The following HEATR5A variants were observed in gnomAD, a reference collection of about 807,000 sequenced individuals.
The protein encoded by HEATR5A is HEAT repeat containing 5A, also known as HEAT repeat-containing protein 5A.
In HEATR5A, 178 loss-of-function variants were observed where a neutral mutation model predicts 218.8. That is an observed-to-expected ratio of 0.81 (90% CI 0.72 to 0.92). HEATR5A has a LOEUF of 0.92. HEATR5A is among the 40% of genes least tolerant of loss of function. The pLI, the probability that HEATR5A is intolerant of heterozygous loss-of-function variation, is 0.00. For missense variants in HEATR5A, 2,420 were observed against 2,418.9 expected (o/e 1.00, Z -0.01); for synonymous variants, 864 against 871.6 (o/e 0.99, Z 0.15).
chr14:31,377,125 TA>T (rs35859115), intron 11 of HEATR5A, among the ~76,000 whole-genome samples: 21,382 of 125,470 alleles, frequency 0.17, 1,918 homozygotes, highest in East Asian at 0.36. Context: ...CCCTGTCTCT[TA>T]AAAAAAAAAA....
intron 13 of HEATR5A, among the ~76,000 whole-genome samples, chr14:31,370,387 G>T (rs1472226996): frequency 6.6e-6 from 1 of 152,110 alleles, no homozygotes; most frequent in East Asian, 1.9e-4. Context: ...TCAGGAAACC[G>T]ATATACAATT....
chr14:31,410,950 TA>T (rs2031250478), intron 1 of HEATR5A, among the ~76,000 whole-genome samples: 1 of 152,196 alleles, frequency 6.6e-6, no homozygotes, highest in Non-Finnish European at 1.5e-5. Context: ...TATCATTAGT[TA>T]AAAATTTGAA....
At chr14:31,318,127 G>C in intron 26 of HEATR5A, 97 bp downstream of exon 26, 5 of 997,298 alleles carry the variant, frequency 5.0e-6, no homozygotes, top group Non-Finnish European at 6.4e-6. Flanking sequence ...ATGATTGACG[G>C]TAAGACAACC....
At chr14:31,419,912 A>ACTCT (rs886857484) in intron 1 of HEATR5A, among the ~76,000 whole-genome samples, 13 of 151,850 alleles carry the variant, frequency 8.6e-5, no homozygotes, top group African/African-American at 3.1e-4. Context: ...AAATATCCAC[A>ACTCT]CTCTCCACTG....
chr14:31,304,179 G>A (rs1411478106), intron 32 of HEATR5A, among the ~76,000 whole-genome samples: 4 of 152,084 alleles, frequency 2.6e-5, no homozygotes, highest in African/African-American at 2.4e-5. Context: ...ACTGCACTCC[G>A]GCCTAGGTGA....
At chr14:31,360,567 TAG>T (rs1901584165) in intron 14 of HEATR5A, among the ~76,000 whole-genome samples, 1 of 152,220 alleles carries the variant, frequency 6.6e-6, no homozygotes, top group African/African-American at 2.4e-5. Flanking sequence ...TAATTTCTGT[TAG>T]GTTATCAAAA....
intron 13 of HEATR5A, among the ~76,000 whole-genome samples, chr14:31,368,187 T>C (rs569993731): frequency 5.3e-5 from 8 of 152,044 alleles, no homozygotes; most frequent in Non-Finnish European, 1.2e-4. Flanking sequence ...TTTTTGCCCT[T>C]CTATCCCTTT....
At chr14:31,347,220 T>C (rs185841638) in intron 19 of HEATR5A, among the ~76,000 whole-genome samples, 235 of 152,304 alleles carry the variant, frequency 1.5e-3, no homozygotes, top group Non-Finnish European at 2.8e-3. Flanking sequence ...TTACTATTAT[T>C]ATTATTTTTG....
At chr14:31,316,940 C>T (rs750034221) in intron 26 of HEATR5A, among the ~76,000 whole-genome samples, 17 of 151,990 alleles carry the variant, frequency 1.1e-4, no homozygotes, top group African/African-American at 3.6e-4. Context: ...CACTTGCCTG[C>T]GCCTCCCAAA....
intron 23 of HEATR5A, among the ~76,000 whole-genome samples, chr14:31,324,378 C>G (rs929867989): frequency 1.3e-5 from 2 of 152,208 alleles, no homozygotes; most frequent in African/African-American, 4.8e-5. Flanking sequence ...GTTACACTTA[C>G]AAACTGTTTA....
intron 1 of HEATR5A, among the ~76,000 whole-genome samples, chr14:31,409,910 T>C (rs1335820143): frequency 1.3e-5 from 2 of 152,188 alleles, no homozygotes; most frequent in African/African-American, 4.8e-5. Context: ...GAAACATATG[T>C]TGAAATTTAT....
Position 31,400,377 on chromosome 14 carries a change from C to T in HEATR5A, c.262G>A (p.Val88Ile), listed in dbSNP as rs559029328. The T allele has an allele frequency of 2.1e-5, 33 of 1,535,662 alleles. No individual in the cohort carries two copies. The highest frequency in any genetic ancestry group is 1.7e-4 in the Middle Eastern group (1 of 5,990). Residue 88 changes from valine (V) to isoleucine (I), a missense_variant, in exon 3 of 36, where the codon GTT becomes ATT. Transcript: ENST00000543095. ...ILYSIGDTFS[V>I]HEAIDKCNDL... ...TTACATTTATCGATTGCTTCATGAA[C>T]GGAGAATGTGTCTCCAATACTATAA...
At chr14:31,346,101 T>A (rs1462685393) in intron 19 of HEATR5A, among the ~76,000 whole-genome samples, 1 of 152,214 alleles carries the variant, frequency 6.6e-6, no homozygotes, top group African/African-American at 2.4e-5. Flanking sequence ...AAAGTTTTAT[T>A]CCTCTTATCA....
At position 31,345,286 on chromosome 14, in the gene HEATR5A, C is replaced by A; in HGVS notation, c.2869-10G>T. ...AATGTAATGCCCAGGTCTGTAATGA[C>A]AAAGAAAAACAATTAAAAACATTAC... On this transcript the variant is annotated splice_polypyrimidine_tract_variant and intron_variant, in intron 19 of 35. Transcript: ENST00000543095. 2 of 1,564,210 alleles carry A rather than the reference C, an allele frequency of 1.3e-6. No individual in the cohort carries two copies. The highest frequency in any genetic ancestry group is 1.2e-5 in the South Asian group (1 of 84,792).
intron 22 of HEATR5A, among the ~76,000 whole-genome samples, chr14:31,328,751 G>A (rs1252449369): frequency 6.6e-6 from 1 of 152,014 alleles, no homozygotes; most frequent in Non-Finnish European, 1.5e-5. Context: ...ATGGTGGCAG[G>A]TGCCTGTAAT....
chr14:31,402,851 C>T lies in HEATR5A; in HGVS notation c.125G>A (p.Arg42Lys), dbSNP rs1457005713. The T allele has an allele frequency of 4.6e-6, 7 of 1,536,558 alleles. No homozygotes were observed. The South Asian group carries it at 4.8e-5, about 10-fold the overall frequency. The change falls in exon 2 of 36, where the codon AGG becomes AAG. Residue 42 changes from arginine (R) to lysine (K), a missense_variant and splice_region_variant. Physicochemically the swap from Arg to Lys is conservative, Grantham distance 26 (BLOSUM62 2). Coordinates refer to ENST00000543095, the MANE Select transcript of HEATR5A (RefSeq NM_015473.4). Reference sequence around the variant, plus strand: ...AACAGATGTTGTCATTTTACCCACCCTGCTGGTTGCCAACAAGAGCTTCTC... The same window carrying T: ...AACAGATGTTGTCATTTTACCCACCTTGCTGGTTGCCAACAAGAGCTTCTC... ...YLEKLLLATS[R>K]NDVREKQKTL...
rs909850802 is a variant in HEATR5A, at chr14:31,341,728, G to C, written c.3228+2168C>G. Among the ~76,000 whole-genome samples the C allele has an allele frequency of 5.9e-5, 9 of 151,842 alleles. No individual in the cohort carries two copies. The South Asian group carries it at 8.3e-4, about 14-fold the overall frequency. On this transcript the variant is annotated intron_variant, in intron 21 of 35. Coordinates refer to ENST00000543095, the MANE Select transcript of HEATR5A (RefSeq NM_015473.4). Reference sequence around the variant, plus strand: ...AGATTTTATTCATCATGAATTAATGGGTTATTCTTGTTCTTCATTTCTCAA... The same window carrying C: ...AGATTTTATTCATCATGAATTAATGCGTTATTCTTGTTCTTCATTTCTCAA...
intron 21 of HEATR5A, among the ~76,000 whole-genome samples, chr14:31,340,280 C>T (rs8012940): frequency 0.85 from 128,680 of 152,104 alleles, 55,316 homozygotes; most frequent in Non-Finnish European, 0.93. Flanking sequence ...TTTGCTTATA[C>T]TGGTATCAAA....
chr14:31,342,607 A>G (rs1900875490), intron 21 of HEATR5A, among the ~76,000 whole-genome samples: 1 of 152,158 alleles, frequency 6.6e-6, no homozygotes, highest in Admixed American at 6.6e-5. Flanking sequence ...ACTTCCCTAA[A>G]GGTGCACAGC....
Sources: gnomAD v4.1 joint callset for allele counts (sites outside exome capture counted in the v4.1 genomes callset) on GRCh38, gnomAD v4.1.1 for gene constraint, MANE v1.5 for transcripts, NCBI Gene and HGNC (gene_info 2026-07-23, HGNC 2026-07-21) for gene names.